The following SAMMSON variants were observed in gnomAD, a reference collection of about 807,000 sequenced individuals.
SAMMSON encodes the protein long intergenic non-protein coding RNA 1212.
intron 3 of SAMMSON, among the ~76,000 whole-genome samples, chr3:70,056,549 TTCTCTC>T (rs138631519): frequency 6.7e-6 from 1 of 149,728 alleles, no homozygotes; most frequent in African/African-American, 2.4e-5. Context: ...TACATATTGT[TTCTCTC>T]TCTCTCTCTC....
At chr3:70,033,237 TC>T (rs2067072174) in intron 3 of SAMMSON, among the ~76,000 whole-genome samples, 1 of 152,216 alleles carries the variant, frequency 6.6e-6, no homozygotes, top group South Asian at 2.1e-4. Flanking sequence ...TTCTCAGTCT[TC>T]CTACCTCCCT....
chr3:70,108,622 G>A (rs190134647), intron 4 of SAMMSON, among the ~76,000 whole-genome samples: 3 of 151,782 alleles, frequency 2.0e-5, no homozygotes, highest in South Asian at 4.2e-4. Context: ...GGATATAACT[G>A]GAGTTAGATG....
At chr3:70,285,884 C>T (rs199708259) in intron 6 of SAMMSON, among the ~76,000 whole-genome samples, 7,091 of 151,386 alleles carry the variant, frequency 0.047, 237 homozygotes, top group African/African-American at 0.083. Context: ...TCATGTCCTT[C>T]GCCCACTTTT....
intron 6 of SAMMSON, among the ~76,000 whole-genome samples, chr3:70,262,018 A>G (rs946892811): frequency 6.6e-6 from 1 of 152,152 alleles, no homozygotes; most frequent in African/African-American, 2.4e-5. Flanking sequence ...CTAACCCCAG[A>G]TAGAGGAGAC....
chr3:70,205,207 A>G (rs1009426754), intron 4 of SAMMSON: 1 of 152,116 alleles, frequency 6.6e-6, no homozygotes, highest in Non-Finnish European at 1.5e-5. Flanking sequence ...GAAAACTTCA[A>G]TATCTGGCAA....
At chr3:70,241,065 T>C (rs568405137) in intron 4 of SAMMSON, among the ~76,000 whole-genome samples, 1 of 152,260 alleles carries the variant, frequency 6.6e-6, no homozygotes, top group East Asian at 1.9e-4. Flanking sequence ...GTTTTTAGCC[T>C]GTGATGTGAC....
chr3:70,006,668 T>A (rs187577044), intron 1 of SAMMSON, among the ~76,000 whole-genome samples: 16 of 152,022 alleles, frequency 1.1e-4, no homozygotes, highest in East Asian at 9.7e-4. Context: ...TCCTTTTTTT[T>A]AAATTATACT....
At chr3:70,306,451 T>A (rs78891302) in intron 7 of SAMMSON, among the ~76,000 whole-genome samples, 381 of 152,322 alleles carry the variant, frequency 2.5e-3, no homozygotes, top group Middle Eastern at 0.014. Flanking sequence ...AGTCGTCATG[T>A]GACTGCTTAC....
At chr3:70,231,252 T>TA (rs1284022483) in intron 4 of SAMMSON, among the ~76,000 whole-genome samples, 1 of 152,062 alleles carries the variant, frequency 6.6e-6, no homozygotes. Context: ...AGGGAATAGT[T>TA]CCTTTAACAC....
chr3:70,174,151 C>T (rs7427970), intron 4 of SAMMSON, among the ~76,000 whole-genome samples: 82,074 of 151,692 alleles, frequency 0.54, 23,468 homozygotes, highest in Non-Finnish European at 0.62. Context: ...TAGAATTTTA[C>T]ATTTTGGATA....
chr3:70,364,604 T>C (rs1432824129), intron 9 of SAMMSON, among the ~76,000 whole-genome samples: 1 of 151,930 alleles, frequency 6.6e-6, no homozygotes, highest in Non-Finnish European at 1.5e-5. Flanking sequence ...TGGTTCTGGC[T>C]AGTGTTCTGT....
At chr3:70,316,641 C>G (rs536776327) in intron 7 of SAMMSON, among the ~76,000 whole-genome samples, 1 of 151,934 alleles carries the variant, frequency 6.6e-6, no homozygotes, top group African/African-American at 2.4e-5. Flanking sequence ...TGAAAATACA[C>G]ATGGTATAAA....
intron 2 of SAMMSON, among the ~76,000 whole-genome samples, chr3:70,403,540 C>T (rs984885220): frequency 5.9e-5 from 9 of 152,110 alleles, no homozygotes; most frequent in African/African-American, 1.9e-4. Flanking sequence ...TCTCAATCTG[C>T]GTTGCGATCT....
chr3:70,025,640 A>G (rs1008320616), intron 3 of SAMMSON, among the ~76,000 whole-genome samples: 1 of 152,192 alleles, frequency 6.6e-6, no homozygotes, highest in Admixed American at 6.5e-5. Context: ...AGACCCTTGA[A>G]CAACATGGGA....
rs188360534 is a variant in SAMMSON, at chr3:70,312,825, A to G, written n.739+21582A>G. ...CAGGCTAGCACTTATTTAAAATGAC[A>G]TTCTGCAAAATAGGAAAAAAATAAT... On this transcript the variant is annotated intron_variant and non_coding_transcript_variant, in intron 7 of 9. Transcript: ENST00000642114. The G allele has an allele frequency of 3.1e-3, 475 of 152,160 alleles. 3 individuals are homozygous for G. The highest frequency in any genetic ancestry group is 0.011 in the African/African-American group (446 of 41,522). 9.4% of individuals were successfully genotyped at this position (152,160 alleles called of 1,614,324 possible). A position where few individuals can be genotyped will look rare whatever the true frequency, so the allele number is the denominator to read the frequency against.
At chr3:70,031,603 T>C (rs1212931248) in intron 3 of SAMMSON, among the ~76,000 whole-genome samples, 6 of 152,118 alleles carry the variant, frequency 3.9e-5, no homozygotes, top group South Asian at 2.1e-4. Flanking sequence ...AGGTAAGAAC[T>C]GAAATGTAAA....
rs186534048 is a variant in SAMMSON at position 70,163,522 on chromosome 3, G to A, written n.508-85585G>A. On this transcript the variant is annotated intron_variant and non_coding_transcript_variant, in intron 4 of 9. Coordinates refer to ENST00000642114, the Ensembl canonical transcript of SAMMSON. ...CCCTCTCCTCATTCATGTTATTATT[G>A]TCATATAAATTACATGAAATACTTA... Among the ~76,000 whole-genome samples the A allele has an allele frequency of 7.1e-4, 107 of 151,686 alleles. No individual in the cohort carries two copies. The East Asian group carries it at 9.3e-3, about 13-fold the overall frequency.
At chr3:70,017,593 T>C (rs2066991575) in intron 3 of SAMMSON, among the ~76,000 whole-genome samples, 1 of 152,180 alleles carries the variant, frequency 6.6e-6, no homozygotes, top group Admixed American at 6.5e-5. Context: ...CCTTCCTGAT[T>C]GCCCTGGCCA....
At chr3:70,369,391 T>C (rs962603382) in intron 9 of SAMMSON, among the ~76,000 whole-genome samples, 12 of 151,726 alleles carry the variant, frequency 7.9e-5, no homozygotes, top group Admixed American at 2.0e-4. Context: ...AGGAAAAAAA[T>C]TTTTTAAATT....
Sources: gnomAD v4.1 joint callset for allele counts (sites outside exome capture counted in the v4.1 genomes callset) on GRCh38, gnomAD v4.1.1 for gene constraint, MANE v1.5 for transcripts, NCBI Gene and HGNC (gene_info 2026-07-23, HGNC 2026-07-21) for gene names.